AMOTL1: variants seen among roughly 807,000 people sequenced by gnomAD.
The protein encoded by AMOTL1 is angiomotin like 1, also known as angiomotin-like protein 1.
Under a neutral mutation model 102.9 loss-of-function variants are expected in AMOTL1, and 45 were observed. The ratio of observed to expected loss-of-function variants is 0.44; its 90% CI spans 0.34 to 0.56. The LOEUF is 0.56. Ranked by LOEUF, AMOTL1 falls within the 20% of genes least tolerant of loss-of-function variation. The probability of loss-of-function intolerance (pLI) is 0.01; values close to 1 mark genes in which losing one functional copy is unlikely to be tolerated. For synonymous variants in AMOTL1, 481 were observed against 484.7 expected (o/e 0.99, Z 0.10); for missense variants, 1,114 against 1,225.6 (o/e 0.91, Z 1.36).
At chr11:94,783,604 C>T (rs1951141000) in intron 1 of AMOTL1, among the ~76,000 whole-genome samples, 1 of 152,152 alleles carries the variant, frequency 6.6e-6, no homozygotes, top group Admixed American at 6.5e-5. Context: ...GTAGGTATAG[C>T]CCCAAGCACA....
At chr11:94,843,159 C>A (rs917859729) in intron 6 of AMOTL1, among the ~76,000 whole-genome samples, 1 of 152,248 alleles carries the variant, frequency 6.6e-6, no homozygotes, top group Non-Finnish European at 1.5e-5. Flanking sequence ...AAAAATCAAA[C>A]CAGCATCTTC....
At chr11:94,768,643 C>T (rs1211376673) in intron 1 of AMOTL1, 83 bp downstream of exon 1, 25 of 1,542,094 alleles carry the variant, frequency 1.6e-5, no homozygotes, top group Non-Finnish European at 2.2e-5. Flanking sequence ...GCTCCCCGGG[C>T]CCCTGCTGCT....
chr11:94,788,552 C>T (rs1479642114), intron 1 of AMOTL1, among the ~76,000 whole-genome samples: 3 of 152,210 alleles, frequency 2.0e-5, no homozygotes, highest in Non-Finnish European at 4.4e-5. Context: ...AGCTCTATGT[C>T]CCTTCCGTCA....
Position 94,731,965 on chromosome 11 carries a change from G to A in AMOTL1, c.85+2910G>A, listed in dbSNP as rs536329059. Among the ~76,000 whole-genome samples the A allele has an allele frequency of 1.2e-4, 19 of 152,316 alleles. 1 individual carries two copies. The South Asian group carries it at 3.9e-3, about 32-fold the overall frequency. On this transcript the variant is annotated intron_variant, in intron 2 of 4. Coordinates refer to the AMOTL1 transcript ENST00000299004. ...AAAATAAACAGTGCTGTTGTAACAT[G>A]TGCATTCTCATCCAAGCTCACAGCA...
intron 3 of AMOTL1, among the ~76,000 whole-genome samples, chr11:94,807,849 G>A (rs28513400): frequency 7.2e-6 from 1 of 138,594 alleles, no homozygotes; most frequent in African/African-American, 2.8e-5. Context: ...TAGTATCTAA[G>A]CTGCAGTTCC....
rs567835519 is a variant in AMOTL1 at position 94,753,582 on chromosome 11, TTTCAGATGG to T, written c.136+12595_136+12603del. ...GACAGGTACTATTACTTCCCTCATC[TTTCAGATGG>T]AGAACTGAAGCTAAGACAAGTTAAA... On this transcript the variant is annotated intron_variant, in intron 3 of 4. Coordinates refer to the AMOTL1 transcript ENST00000299004. 1.1e-4 allele frequency among the ~76,000 whole-genome samples: 16 copies of T among 152,332 alleles called. 1 individual carries two copies. The East Asian group carries it at 1.2e-3, about 11-fold the overall frequency.
intron 1 of AMOTL1, among the ~76,000 whole-genome samples, chr11:94,784,872 G>A (rs1412253682): frequency 1.3e-5 from 2 of 152,006 alleles, no homozygotes; most frequent in Non-Finnish European, 2.9e-5. Context: ...TGGGGACTTG[G>A]AAGTGAGGTT....
chr11:94,724,022 G>A (rs936475819), intron 1 of AMOTL1, among the ~76,000 whole-genome samples: 2 of 152,120 alleles, frequency 1.3e-5, no homozygotes, highest in Admixed American at 6.5e-5. Context: ...CTGATGATTA[G>A]GATTTTTGGA....
At chr11:94,749,363 C>T (rs1341498535) in intron 3 of AMOTL1, among the ~76,000 whole-genome samples, 1 of 151,980 alleles carries the variant, frequency 6.6e-6, no homozygotes, top group Non-Finnish European at 1.5e-5. Context: ...TGGTTCCATC[C>T]AGGCCCCCGG....
chr11:94,828,484 A>AC (rs1372782513), intron 4 of AMOTL1, among the ~76,000 whole-genome samples: 2 of 151,388 alleles, frequency 1.3e-5, no homozygotes. Flanking sequence ...AGTATCTCTC[A>AC]CCCCCACTAA....
At chr11:94,720,529 G>A (rs1308855313) in intron 1 of AMOTL1, among the ~76,000 whole-genome samples, 2 of 152,104 alleles carry the variant, frequency 1.3e-5, no homozygotes, top group Non-Finnish European at 2.9e-5. Context: ...TGATTGAGAA[G>A]GAGCTATTCC....
intron 1 of AMOTL1, among the ~76,000 whole-genome samples, chr11:94,712,685 T>C (rs1950037791): frequency 1.3e-5 from 2 of 152,126 alleles, no homozygotes; most frequent in South Asian, 2.1e-4. Flanking sequence ...GTTGTTGTTG[T>C]TGTTTTTCAC....
At chr11:94,771,254 G>A (rs1047766974) in intron 1 of AMOTL1, among the ~76,000 whole-genome samples, 3 of 66,692 alleles carry the variant, frequency 4.5e-5, no homozygotes, top group Admixed American at 1.7e-4. Flanking sequence ...TCTTTTTGGC[G>A]GGGTTGGGGG....
At chr11:94,777,926 T>C (rs1951049064) in intron 1 of AMOTL1, among the ~76,000 whole-genome samples, 3 of 152,172 alleles carry the variant, frequency 2.0e-5, no homozygotes, top group Non-Finnish European at 4.4e-5. Context: ...CCATCTGATA[T>C]TTGAGGGTCT....
intron 2 of AMOTL1, among the ~76,000 whole-genome samples, chr11:94,731,765 T>C (rs1457933752): frequency 2.0e-5 from 3 of 152,194 alleles, no homozygotes; most frequent in Non-Finnish European, 4.4e-5. Context: ...AGCTGGAATT[T>C]AAACTGAGAT....
chr11:94,865,169 A>G (rs1362276582), intron 10 of AMOTL1, among the ~76,000 whole-genome samples: 2 of 152,172 alleles, frequency 1.3e-5, no homozygotes, highest in Non-Finnish European at 2.9e-5. Flanking sequence ...GTCTATCTCT[A>G]TGACATTATG....
At chr11:94,785,950 T>A (rs1460475215) in intron 1 of AMOTL1, among the ~76,000 whole-genome samples, 1 of 152,212 alleles carries the variant, frequency 6.6e-6, no homozygotes, top group Non-Finnish European at 1.5e-5. Flanking sequence ...TCACTCTCAG[T>A]GGGACCACAG....
chr11:94,723,145 C>A lies in AMOTL1; in HGVS notation c.-50-5776C>A, dbSNP rs184095570. 4.2e-4 allele frequency among the ~76,000 whole-genome samples: 64 copies of A among 152,198 alleles called. 1 individual carries two copies. The highest frequency in any genetic ancestry group is 1.5e-3 in the African/African-American group (63 of 41,544). On this transcript the variant is annotated intron_variant, in intron 1 of 4. Coordinates refer to the AMOTL1 transcript ENST00000299004. The stretch of plus-strand genomic sequence containing the variant: ...AGTCTCCTTCATCCAACAAGAATTA[C>A]CTGAGCCTGAGTATGGCCATGCACC...
intron 3 of AMOTL1, among the ~76,000 whole-genome samples, chr11:94,744,672 G>T (rs1370549140): frequency 6.6e-6 from 1 of 152,128 alleles, no homozygotes; most frequent in Non-Finnish European, 1.5e-5. Context: ...ATATCTGTAA[G>T]CACTATTTAT....
Sources: gnomAD v4.1 joint callset for allele counts (sites outside exome capture counted in the v4.1 genomes callset) on GRCh38, gnomAD v4.1.1 for gene constraint, MANE v1.5 for transcripts, NCBI Gene and HGNC (gene_info 2026-07-23, HGNC 2026-07-21) for gene names.